Variants in IL1RAPL1 observed in about 807,000 individuals in gnomAD.
The protein encoded by IL1RAPL1 is interleukin 1 receptor accessory protein like 1.
Under a neutral mutation model 48.4 loss-of-function variants are expected in IL1RAPL1, and 3 were observed. That is an observed-to-expected ratio of 0.06 (90% CI 0.03 to 0.16). IL1RAPL1 has a LOEUF of 0.16. Ranked by LOEUF, IL1RAPL1 falls within the 10% of genes least tolerant of loss-of-function variation. IL1RAPL1 has a pLI of 1.00. For synonymous variants in IL1RAPL1, 185 were observed against 187.7 expected, an observed-to-expected ratio of 0.99 and a Z score of 0.12; for missense variants, 349 against 530.6, an observed-to-expected ratio of 0.66 and a Z score of 3.36.
At chrX:29,304,662 ATGGGAGT>A (rs759207672) in intron 3 of IL1RAPL1, among the ~76,000 whole-genome samples, 2 of 112,642 alleles carry the variant, frequency 1.8e-5, no homozygotes, top group South Asian at 7.3e-4. Context: ...ATGATGGTAT[ATGGGAGT>A]TGTGTAGTGT....
Position 29,567,774 on chromosome X carries a change from T to C in IL1RAPL1, c.704-100656T>C, listed in dbSNP as rs147048712. On this transcript the variant is annotated intron_variant, in intron 5 of 10. Transcript: ENST00000378993. ...TTTCTAAAAAGAAGAGCTAGATTTTTAGATAGGAATACAAATGCTTCATTT... is the reference window on the plus strand; with the variant it reads ...TTTCTAAAAAGAAGAGCTAGATTTTCAGATAGGAATACAAATGCTTCATTT... Among the ~76,000 whole-genome samples the C allele has an allele frequency of 9.1e-3, 1,009 of 111,307 alleles. 17 individuals are homozygous for C. The highest frequency in any genetic ancestry group is 0.031 in the African/African-American group (939 of 30,727).
chrX:29,513,920 T>A (rs1172542404), intron 5 of IL1RAPL1, among the ~76,000 whole-genome samples: 1 of 111,829 alleles, frequency 8.9e-6, no homozygotes, highest in Non-Finnish European at 1.9e-5. Flanking sequence ...GATGACAAAC[T>A]TTTTTAGGTC....
chrX:29,098,720 G>A (rs755729992), intron 2 of IL1RAPL1, among the ~76,000 whole-genome samples: 1 of 112,365 alleles, frequency 8.9e-6, no homozygotes, highest in Non-Finnish European at 1.9e-5. Flanking sequence ...ATTAACAGAA[G>A]AATTTACAAA....
chrX:28,765,364 C>T (rs1270743658), intron 1 of IL1RAPL1, among the ~76,000 whole-genome samples: 1 of 110,972 alleles, frequency 9.0e-6, no homozygotes, highest in Non-Finnish European at 1.9e-5. Context: ...GGCTCATGGG[C>T]TATTGTTTGC....
rs761444359 is a variant in IL1RAPL1, at chrX:29,029,970, C to G, written c.82+240545C>G. Among the ~76,000 whole-genome samples, 3 of 97,658 alleles carry G rather than the reference C, an allele frequency of 3.1e-5. No individual in the cohort carries two copies. In the East Asian group the frequency reaches 9.5e-4, roughly 31 times the overall value. 84.8% of individuals were successfully genotyped at this position (97,658 alleles called of 115,157 possible). ...TTTTTTTTTTTTGGCTTGTGGATGT[C>G]CAATTGTTCCAACACCATTGGTTGA... On this transcript the variant is annotated intron_variant, in intron 2 of 10. Coordinates refer to ENST00000378993, the MANE Select transcript of IL1RAPL1 (RefSeq NM_014271.4).
intron 3 of IL1RAPL1, among the ~76,000 whole-genome samples, chrX:29,350,164 C>T (rs1416627446): frequency 4.6e-5 from 4 of 86,170 alleles, no homozygotes; most frequent in Non-Finnish European, 8.4e-5. Flanking sequence ...CAAGACCAGC[C>T]CCTCCCTTGG....
At chrX:29,142,698 A>AT (rs11449399) in intron 2 of IL1RAPL1, among the ~76,000 whole-genome samples, 22,260 of 104,039 alleles carry the variant, frequency 0.21, 2,284 homozygotes, top group African/African-American at 0.36. Flanking sequence ...ATGTTAGAGA[A>AT]TTTTTTTTTT....
intron 2 of IL1RAPL1, among the ~76,000 whole-genome samples, chrX:29,109,296 C>T (rs368888228): frequency 3.7e-4 from 33 of 90,393 alleles, no homozygotes; most frequent in Middle Eastern, 5.8e-3. Flanking sequence ...AGTACCTGTT[C>T]TTTTTTTTTT....
chrX:28,626,492 A>G (rs1176887119), intron 1 of IL1RAPL1, among the ~76,000 whole-genome samples: 1 of 111,758 alleles, frequency 8.9e-6, no homozygotes, highest in Non-Finnish European at 1.9e-5. Flanking sequence ...TATAATTATT[A>G]CATATAAGGT....
chrX:29,367,044 AACTC>A (rs1343712631), intron 3 of IL1RAPL1, among the ~76,000 whole-genome samples: 3 of 111,604 alleles, frequency 2.7e-5, no homozygotes, highest in East Asian at 2.8e-4. Flanking sequence ...ATAGTTTATT[AACTC>A]ACTCTGTTAT....
intron 2 of IL1RAPL1, among the ~76,000 whole-genome samples, chrX:29,217,866 G>A (rs1242293932): frequency 9.3e-6 from 1 of 107,265 alleles, no homozygotes; most frequent in Non-Finnish European, 1.9e-5. Context: ...AAATAAACTT[G>A]AAGCCCGATG....
At chrX:28,949,296 A>G (rs1218767564) in intron 2 of IL1RAPL1, among the ~76,000 whole-genome samples, 2 of 110,312 alleles carry the variant, frequency 1.8e-5, no homozygotes, top group East Asian at 5.7e-4. Context: ...TTGTTTCTCA[A>G]CATAAATGAG....
At chrX:29,324,422 A>T (rs1310150141) in intron 3 of IL1RAPL1, among the ~76,000 whole-genome samples, 2 of 111,428 alleles carry the variant, frequency 1.8e-5, no homozygotes, top group Admixed American at 9.6e-5. Context: ...AAAGGGTATG[A>T]TCTAATACTA....
At chrX:29,522,880 TTCATCTGTGTTCTCTCTCTCTC>T (rs1343939836) in intron 5 of IL1RAPL1, among the ~76,000 whole-genome samples, 2 of 111,412 alleles carry the variant, frequency 1.8e-5, no homozygotes, top group Non-Finnish European at 3.8e-5. Flanking sequence ...GTTTTAACTT[TTCATCTGTGTTCTCTCTCTCTC>T]TCATCTGTGT....
chrX:29,145,322 C>G (rs185429123), intron 2 of IL1RAPL1, among the ~76,000 whole-genome samples: 1 of 111,782 alleles, frequency 8.9e-6, no homozygotes, highest in African/African-American at 3.3e-5. Context: ...GAAAACTTCC[C>G]TAGTCCACAA....
At chrX:29,193,519 A>G (rs984788081) in intron 2 of IL1RAPL1, among the ~76,000 whole-genome samples, 1 of 111,084 alleles carries the variant, frequency 9.0e-6, no homozygotes, top group African/African-American at 3.3e-5. Context: ...TTCTCCCCCA[A>G]TACATCGTAG....
chrX:28,634,317 A>T (rs1249340890), intron 1 of IL1RAPL1, among the ~76,000 whole-genome samples: 1 of 107,638 alleles, frequency 9.3e-6, no homozygotes, highest in Non-Finnish European at 1.9e-5. Flanking sequence ...TTGGTTATTT[A>T]TATATATATG....
At chrX:29,434,433 G>T (rs1934457688) in intron 5 of IL1RAPL1, among the ~76,000 whole-genome samples, 2 of 110,380 alleles carry the variant, frequency 1.8e-5, no homozygotes, top group Admixed American at 1.9e-4. Context: ...TATGATCATT[G>T]CTCTCGTTCC....
chrX:29,767,774 A>C (rs6526926), intron 6 of IL1RAPL1, among the ~76,000 whole-genome samples: 16,508 of 111,290 alleles, frequency 0.15, 1,312 homozygotes, highest in African/African-American at 0.29. Context: ...AAAACTGCGC[A>C]GTAAACTTCT....
Sources: gnomAD v4.1 joint callset for allele counts (sites outside exome capture counted in the v4.1 genomes callset) on GRCh38, gnomAD v4.1.1 for gene constraint, MANE v1.5 for transcripts, NCBI Gene and HGNC (gene_info 2026-07-23, HGNC 2026-07-21) for gene names.